The following CCNH variants were observed in gnomAD, a reference collection of about 807,000 sequenced individuals.
The protein encoded by CCNH is cyclin H.
Under a neutral mutation model 41.9 loss-of-function variants are expected in CCNH, and 31 were observed. The ratio of observed to expected loss-of-function variants is 0.74; its 90% CI spans 0.56 to 1.00. CCNH has a LOEUF of 1.00. CCNH is among the 50% of genes least tolerant of loss of function. The pLI is 0.00. For missense variants in CCNH, 362 were observed against 388.4 expected (o/e 0.93, Z 0.57); for synonymous variants, 138 against 136.1 (o/e 1.01, Z -0.10).
At chr5:87,343,191 T>A (rs1243126482) in intron 9 of CCNH, among the ~76,000 whole-genome samples, 1 of 152,202 alleles carries the variant, frequency 6.6e-6, no homozygotes, top group Non-Finnish European at 1.5e-5. Context: ...GTTGAATTTC[T>A]TTCCAGCTCC....
intron 9 of CCNH, among the ~76,000 whole-genome samples, chr5:87,342,162 CTTT>C (rs531793273): frequency 5.0e-5 from 7 of 139,762 alleles, no homozygotes; most frequent in Admixed American, 2.1e-4. Context: ...GTTATTTTTT[CTTT>C]TTTTTTTTTT....
At chr5:87,326,285 T>TA (rs984582636) in intron 9 of CCNH, among the ~76,000 whole-genome samples, 1 of 152,176 alleles carries the variant, frequency 6.6e-6, no homozygotes, top group African/African-American at 2.4e-5. Context: ...CACACATTTA[T>TA]AAAAAATGTT....
At chr5:87,378,956 C>G (rs575778878), upstream of CCNH, among the ~76,000 whole-genome samples, 5 of 151,886 alleles carry the variant, frequency 3.3e-5, no homozygotes, top group Non-Finnish European at 7.4e-5. Flanking sequence ...TCAACTAAAA[C>G]AAAAAAATCT....
intron 9 of CCNH, among the ~76,000 whole-genome samples, chr5:87,349,805 A>T (rs1046109886): frequency 2.6e-5 from 4 of 151,950 alleles, no homozygotes; most frequent in Admixed American, 6.6e-5. Flanking sequence ...CATTTCTTAC[A>T]TGTGATTGTT....
rs191444827 is a variant in CCNH, at chr5:87,382,442, G to A, written c.*90+10328C>T. Among the ~76,000 whole-genome samples the A allele has an allele frequency of 4.6e-3, 697 of 152,232 alleles. 7 individuals are homozygous for A. The highest frequency in any genetic ancestry group is 5.7e-3 in the Non-Finnish European group (391 of 68,012). ...CGTAACTCATTATTTTGGGAATAATGCTTGTCTTTACATGGATTATGTCTA... is the reference window on the plus strand; with the variant it reads ...CGTAACTCATTATTTTGGGAATAATACTTGTCTTTACATGGATTATGTCTA... On this transcript the variant is annotated intron_variant and NMD_transcript_variant, in intron 9 of 9. Coordinates refer to the CCNH transcript ENST00000645953.
chr5:87,396,664 G>C (rs1031005744), intron 7 of CCNH, among the ~76,000 whole-genome samples: 17 of 151,552 alleles, frequency 1.1e-4, no homozygotes, highest in African/African-American at 4.1e-4. Context: ...TGGGCAAAGG[G>C]GATAAATAAG....
intron 9 of CCNH, chr5:87,363,422 G>A: frequency 6.2e-7 from 1 of 1,610,994 alleles, no homozygotes; most frequent in South Asian, 1.1e-5. Context: ...TTTTGAAAGC[G>A]AAAAACGAGC....
At chr5:87,399,261 T>A in intron 7 of CCNH, 133 bp downstream of exon 7, 1 of 692,952 alleles carries the variant, frequency 1.4e-6, no homozygotes, top group Non-Finnish European at 2.6e-6. Context: ...GAAATGTCCA[T>A]TCAATAAAGA....
At chr5:87,387,014 CAAAA>C, downstream of CCNH, 1 of 1,040,194 alleles carries the variant, frequency 9.6e-7, no homozygotes, top group South Asian at 1.5e-5. Flanking sequence ...ACTAAAAAGA[CAAAA>C]AGCCTGCAAA....
At chr5:87,366,331 G>T in intron 9 of CCNH, 1 of 400,374 alleles carries the variant, frequency 2.5e-6, no homozygotes, top group Non-Finnish European at 5.2e-6. Context: ...GCATTATTTT[G>T]ATATAGTTTA....
At chr5:87,384,424 G>T (rs1761931426) in intron 9 of CCNH, among the ~76,000 whole-genome samples, 1 of 152,028 alleles carries the variant, frequency 6.6e-6, no homozygotes, top group South Asian at 2.1e-4. Flanking sequence ...GTAGGAACTG[G>T]AACCATTTTT....
rs191759701 is a variant in CCNH at position 87,349,352 on chromosome 5, G to A, written c.*91-30455C>T. ...AACAATCAGTTTATGATGGGAGGCC[G>A]GTATTATAACAGGTAAATCATAATT... On this transcript the variant is annotated intron_variant and NMD_transcript_variant, in intron 9 of 9. Transcript: ENST00000645953. 4 of 1,611,298 alleles carry A rather than the reference G, an allele frequency of 2.5e-6. No homozygotes were observed. The highest frequency in any genetic ancestry group is 2.2e-5 in the East Asian group (1 of 44,696).
chr5:87,376,234 A>G (rs1046560133), downstream of CCNH: 1 of 814,082 alleles, frequency 1.2e-6, no homozygotes, highest in African/African-American at 1.7e-5. Flanking sequence ...GACACTCAGT[A>G]AATAAACAAC....
chr5:87,347,658 A>G (rs1263277647), intron 9 of CCNH, among the ~76,000 whole-genome samples: 1 of 151,994 alleles, frequency 6.6e-6, no homozygotes, highest in East Asian at 1.9e-4. Context: ...AAGATTTGAG[A>G]TAGTTTTTGA....
chr5:87,367,702 G>C (rs183079470), intron 9 of CCNH, among the ~76,000 whole-genome samples: 18 of 152,234 alleles, frequency 1.2e-4, no homozygotes, highest in African/African-American at 4.1e-4. Flanking sequence ...TCTTTTCATA[G>C]CTGGATCTCA....
intron 6 of CCNH, among the ~76,000 whole-genome samples, chr5:87,399,941 A>G (rs1045344971): frequency 6.6e-6 from 1 of 152,202 alleles, no homozygotes; most frequent in African/African-American, 2.4e-5. Context: ...CTGTTATTAC[A>G]CAACATGCAA....
chr5:87,409,288 ACAT>A lies in CCNH; in HGVS notation c.313_314+1del, dbSNP rs759046491. The A allele has an allele frequency of 6.7e-7, 1 of 1,488,648 alleles. No individual in the cohort carries two copies. Among genetic ancestry groups the A allele is most frequent in the South Asian group, 1.2e-5 (1 of 86,500 alleles). 92.2% of individuals were successfully genotyped at this position (1,488,648 alleles called of 1,614,324 possible). On this transcript the variant is annotated splice_donor_variant and coding_sequence_variant, in exon 3 of 9. Transcript: ENST00000256897. LOFTEE classifies it high-confidence loss of function. ...AACAATATATTAGACAGACATACTC[ACAT>A]TATTATCCTGGGGTGATATTCCATT...
At chr5:87,323,242 TAGG>T (rs1188014058) in intron 9 of CCNH, among the ~76,000 whole-genome samples, 1 of 152,122 alleles carries the variant, frequency 6.6e-6, no homozygotes, top group African/African-American at 2.4e-5. Flanking sequence ...AAAAGTTAAA[TAGG>T]AGAAACACTT....
intron 9 of CCNH, chr5:87,349,063 A>AT: frequency 1.0e-6 from 1 of 974,422 alleles, no homozygotes; most frequent in South Asian, 1.7e-5. Flanking sequence ...AAACCAGAAA[A>AT]TTTGAAAGAA....
Sources: allele counts gnomAD v4.1 joint callset (sites outside exome capture counted in the v4.1 genomes callset), GRCh38; gene constraint gnomAD v4.1.1; transcripts MANE v1.5; gene names NCBI Gene and HGNC (gene_info 2026-07-23, HGNC 2026-07-21).